The following CHD2 variants were observed in gnomAD, a reference collection of about 807,000 sequenced individuals.
CHD2 encodes the protein chromodomain helicase DNA binding protein 2, also known as ATP-dependent chromatin remodeler CHD2.
Under a neutral mutation model 243.9 loss-of-function variants are expected in CHD2, and 28 were observed. The ratio of observed to expected loss-of-function variants is 0.11; its 90% CI spans 0.09 to 0.16. The LOEUF is 0.16. CHD2 is among the 10% of genes least tolerant of loss of function. The pLI, the probability that CHD2 is intolerant of heterozygous loss-of-function variation, is 1.00. For synonymous variants in CHD2, 775 were observed against 779.0 expected (o/e 0.99, Z 0.09); for missense variants, 1,386 against 2,209.8 (o/e 0.63, Z 7.47).
In CHD2 at chr15:92,994,589, T is replaced by C. The variant is rs190668886; in HGVS notation, c.3595+1591T>C. Among the ~76,000 whole-genome samples, 6 of 152,314 alleles carry C rather than the reference T, an allele frequency of 3.9e-5. No homozygotes were observed. The East Asian group carries it at 1.2e-3, about 29-fold the overall frequency. The stretch of plus-strand genomic sequence containing the variant: ...ATTCAGAATACACCCAAAAGTAAAC[T>C]TTAGGTTTAATGTACAGTATGTTTT... On this transcript the variant is annotated intron_variant, in intron 28 of 38. Coordinates refer to ENST00000394196, the MANE Select transcript of CHD2 (RefSeq NM_001271.4).
chr15:92,904,339 A>G (rs1164017818), intron 2 of CHD2: 14 of 601,568 alleles, frequency 2.3e-5, no homozygotes, highest in Non-Finnish European at 2.9e-5. Context: ...CGCGCCTGGT[A>G]ACAGCAGGGT....
chr15:92,918,301 A>C (rs8028865), intron 2 of CHD2, among the ~76,000 whole-genome samples: 4 of 152,250 alleles, frequency 2.6e-5, no homozygotes, highest in African/African-American at 7.2e-5. Flanking sequence ...CCTTTTTCTC[A>C]TCAGCATTTA....
At position 92,972,568 on chromosome 15, in the gene CHD2, G is replaced by GAGGGTCTTAATTTTTACTT. The variant is rs368325080; in HGVS notation, c.2505+151_2505+152insAGGGTCTTAATTTTTACTT. ...AAAGAAGTTAAGGTTAAGATTCCAG[G>GAGGGTCTTAATTTTTACTT]GGGCCGGGCGCGGTGGCTCACGCCT... On this transcript the variant is annotated intron_variant, in intron 19 of 38. Transcript: ENST00000394196. 290 of 390,180 alleles carry GAGGGTCTTAATTTTTACTT rather than the reference G, an allele frequency of 7.4e-4. 17 individuals are homozygous for GAGGGTCTTAATTTTTACTT. The highest frequency in any genetic ancestry group is 1.0e-3 in the Non-Finnish European group (237 of 234,800). The allele number at this position is 390,180 out of a possible 1,614,324, so 24.2% of individuals were successfully genotyped here. A position where few individuals can be genotyped will look rare whatever the true frequency, so the allele number is the denominator to read the frequency against.
At chr15:93,018,073 G>A (rs960984319) in intron 37 of CHD2, among the ~76,000 whole-genome samples, 3 of 152,100 alleles carry the variant, frequency 2.0e-5, no homozygotes, top group African/African-American at 7.2e-5. Flanking sequence ...AAATCTCTTT[G>A]ATTTACTCCA....
intron 35 of CHD2, 22 bp downstream of exon 35, chr15:93,009,345 GC>G: frequency 6.2e-7 from 1 of 1,605,058 alleles, no homozygotes. Flanking sequence ...GGCCTCGTCT[GC>G]CCAGTTTGAT....
chr15:92,927,776 T>C (rs2053090500), intron 4 of CHD2, among the ~76,000 whole-genome samples: 1 of 152,230 alleles, frequency 6.6e-6, no homozygotes, highest in Non-Finnish European at 1.5e-5. Flanking sequence ...GTATCTACTT[T>C]TATTTAACTT....
At chr15:92,990,577 C>T (rs1053921406) in intron 26 of CHD2, among the ~76,000 whole-genome samples, 1 of 152,246 alleles carries the variant, frequency 6.6e-6, no homozygotes, top group South Asian at 2.1e-4. Context: ...AGGAGTAATC[C>T]TCAGGTTTTG....
intron 16 of CHD2, among the ~76,000 whole-genome samples, chr15:92,963,452 C>T (rs547596882): frequency 2.6e-5 from 4 of 152,110 alleles, no homozygotes; most frequent in Non-Finnish European, 5.9e-5. Context: ...TTTTCACTTC[C>T]TTATGTTATA....
At chr15:92,940,988 T>A (rs1214538614) in intron 7 of CHD2, among the ~76,000 whole-genome samples, 36 of 117,940 alleles carry the variant, frequency 3.1e-4, no homozygotes, top group Non-Finnish European at 3.8e-4. Context: ...TATAAATATA[T>A]ATATAAATAT....
intron 5 of CHD2, among the ~76,000 whole-genome samples, chr15:92,934,232 T>A (rs1377315782): frequency 6.6e-6 from 1 of 152,230 alleles, no homozygotes; most frequent in Non-Finnish European, 1.5e-5. Flanking sequence ...TTTGTCTGTC[T>A]TAGGATTTGT....
chr15:93,002,215 G>A lies in CHD2; in HGVS notation c.4176G>A (p.Gln1392=). Reference sequence around the variant, plus strand: ...AAAAAAGTCCAATGAAAAAAAAACAGAAGAAGAAAGAGAACAAGGAGAACA... The same window carrying A: ...AAAAAAGTCCAATGAAAAAAAAACAAAAGAAGAAAGAGAACAAGGAGAACA... ...GLEKSPMKKK[Q]KKKENKENKE... is the part of the protein sequence containing the mutation. The change falls in exon 33 of 39, where the codon CAG becomes CAA. Residue 1392 remains glutamine, a synonymous_variant. Coordinates refer to ENST00000394196, the MANE Select transcript of CHD2 (RefSeq NM_001271.4). 6.3e-7 allele frequency: 1 copy of A among 1,595,178 alleles called. No individual in the cohort carries two copies. Among genetic ancestry groups the A allele is most frequent in the East Asian group, 2.3e-5 (1 of 44,402 alleles).
intron 19 of CHD2, among the ~76,000 whole-genome samples, chr15:92,974,199 C>G (rs1214377797): frequency 6.6e-6 from 1 of 152,170 alleles, no homozygotes; most frequent in Admixed American, 6.5e-5. Context: ...TCAATGGTTT[C>G]TCTATGGTGA....
In CHD2 at chr15:93,015,077, A is replaced by AT. The variant is rs368505383; in HGVS notation, c.4906+179dup. Among the ~76,000 whole-genome samples, 118 of 147,156 alleles carry AT rather than the reference A, an allele frequency of 8.0e-4. No individual in the cohort carries two copies. In the East Asian group the frequency reaches 0.011, roughly 13 times the overall value. ...GAAAGCATGAAATAAAGATCCCCCA[A>AT]TTTTTTTTTTTGTTTGTTTGAGACT... On this transcript the variant is annotated intron_variant, in intron 37 of 38. Coordinates refer to ENST00000394196, the MANE Select transcript of CHD2 (RefSeq NM_001271.4).
chr15:92,967,222 A>T (rs1254554793), intron 16 of CHD2, 103 bp from the exon 17 acceptor site: 5 of 807,048 alleles, frequency 6.2e-6, no homozygotes, highest in Admixed American at 3.0e-5. Flanking sequence ...CTAGTGATTG[A>T]TAATGTCTTT....
intron 37 of CHD2, among the ~76,000 whole-genome samples, chr15:93,019,044 G>A (rs968336962): frequency 2.0e-5 from 3 of 152,168 alleles, no homozygotes; most frequent in African/African-American, 7.2e-5. Context: ...AGGAGAAAAG[G>A]AAGGCTACAG....
chr15:92,901,940 G>A (rs2052534594), intron 2 of CHD2: 1 of 361,694 alleles, frequency 2.8e-6, no homozygotes, highest in African/African-American at 2.1e-5. Context: ...GATGGTTAGA[G>A]TTCCTGCATT....
chr15:93,013,345 C>G (rs1368900355), intron 36 of CHD2, among the ~76,000 whole-genome samples: 1 of 152,146 alleles, frequency 6.6e-6, no homozygotes, highest in African/African-American at 2.4e-5. Context: ...AGGAAAGGCC[C>G]TTTAGAAGGG....
intron 37 of CHD2, among the ~76,000 whole-genome samples, chr15:93,019,322 T>C (rs2054501960): frequency 1.3e-5 from 2 of 152,158 alleles, no homozygotes. Context: ...ATTTTCTGAA[T>C]TAGTTTGGTT....
chr15:92,980,767 C>G (rs1327905478), intron 22 of CHD2, 48 bp from the exon 23 acceptor site: 1 of 1,352,750 alleles, frequency 7.4e-7, no homozygotes, highest in South Asian at 1.2e-5. Flanking sequence ...AAGTAGAACA[C>G]TTTAGAGGTT....
Sources: gnomAD v4.1 joint callset for allele counts (sites outside exome capture counted in the v4.1 genomes callset) on GRCh38, gnomAD v4.1.1 for gene constraint, MANE v1.5 for transcripts, NCBI Gene and HGNC (gene_info 2026-07-23, HGNC 2026-07-21) for gene names.